Variants in GRIK1 observed in about 807,000 individuals in gnomAD.
The protein encoded by GRIK1 is glutamate ionotropic receptor kainate type subunit 1.
Under a neutral mutation model 105.7 loss-of-function variants are expected in GRIK1, and 69 were observed. The ratio of observed to expected loss-of-function variants is 0.65; its 90% CI spans 0.54 to 0.80. The LOEUF is 0.80. GRIK1 is among the 30% of genes least tolerant of loss of function. The pLI is 0.00. For missense variants in GRIK1, 1,109 were observed against 1,167.3 expected, an observed-to-expected ratio of 0.95 and a Z score of 0.73; for synonymous variants, 438 against 431.3, an observed-to-expected ratio of 1.02 and a Z score of -0.19.
intron 1 of GRIK1, among the ~76,000 whole-genome samples, chr21:29,907,858 C>T (rs1288080367): frequency 1.3e-5 from 2 of 152,078 alleles, no homozygotes; most frequent in African/African-American, 4.8e-5. Context: ...GAAACTATGT[C>T]AGTCCATTCT....
chr21:29,594,224 T>A (rs1418874447), intron 9 of GRIK1, among the ~76,000 whole-genome samples: 1 of 152,180 alleles, frequency 6.6e-6, no homozygotes, highest in East Asian at 1.9e-4. Flanking sequence ...CGCATGTGTG[T>A]ACCTGTGTCT....
chr21:29,582,153 G>A (rs370991531), intron 12 of GRIK1, among the ~76,000 whole-genome samples: 1 of 152,168 alleles, frequency 6.6e-6, no homozygotes, highest in Non-Finnish European at 1.5e-5. Context: ...AATAGTCCAC[G>A]GGGAAAAATC....
At chr21:29,790,460 TTTC>T (rs1168889277) in intron 1 of GRIK1, among the ~76,000 whole-genome samples, 4 of 151,412 alleles carry the variant, frequency 2.6e-5, no homozygotes, top group African/African-American at 9.8e-5. Flanking sequence ...TCTTTCTTTC[TTTC>T]TTTTTTTTTT....
chr21:29,911,215 G>C (rs1186131945), intron 1 of GRIK1, among the ~76,000 whole-genome samples: 1 of 152,042 alleles, frequency 6.6e-6, no homozygotes, highest in Admixed American at 6.6e-5. Context: ...TTCAAAAAGA[G>C]AGAAAGTGGC....
chr21:29,740,331 C>T (rs970177952), intron 1 of GRIK1, among the ~76,000 whole-genome samples: 2 of 151,980 alleles, frequency 1.3e-5, no homozygotes, highest in African/African-American at 4.8e-5. Context: ...GATTCTTCTG[C>T]CTCAGCCTCC....
At chr21:29,933,228 T>G (rs1437243726) in intron 1 of GRIK1, among the ~76,000 whole-genome samples, 1 of 152,146 alleles carries the variant, frequency 6.6e-6, no homozygotes, top group Admixed American at 6.5e-5. Context: ...CTTAAACCTT[T>G]AAGAAAATGT....
intron 1 of GRIK1, among the ~76,000 whole-genome samples, chr21:29,694,661 A>G (rs1004639870): frequency 6.6e-6 from 1 of 152,204 alleles, no homozygotes; most frequent in Non-Finnish European, 1.5e-5. Context: ...AACTGATAAT[A>G]TGGCAGAGGA....
chr21:29,903,754 C>T (rs534105239), intron 1 of GRIK1, among the ~76,000 whole-genome samples: 10 of 152,270 alleles, frequency 6.6e-5, no homozygotes, highest in African/African-American at 2.4e-4. Flanking sequence ...TACCATTTGA[C>T]CCAGCAATCC....
chr21:29,844,320 A>G (rs559560906), intron 1 of GRIK1, among the ~76,000 whole-genome samples: 1 of 152,184 alleles, frequency 6.6e-6, no homozygotes, highest in Non-Finnish European at 1.5e-5. Context: ...GTCAGCTAAC[A>G]CCTAGCAGCA....
intron 7 of GRIK1, among the ~76,000 whole-genome samples, chr21:29,621,249 T>C (rs1026220655): frequency 6.6e-6 from 1 of 152,186 alleles, no homozygotes; most frequent in African/African-American, 2.4e-5. Context: ...TCTTTGCTCA[T>C]ACACCTGTTG....
chr21:29,915,383 T>C (rs575578480), intron 1 of GRIK1, among the ~76,000 whole-genome samples: 2 of 152,170 alleles, frequency 1.3e-5, no homozygotes, highest in Admixed American at 6.6e-5. Context: ...AATTTAAATT[T>C]GATACAACTA....
intron 1 of GRIK1, among the ~76,000 whole-genome samples, chr21:29,811,947 G>A (rs767635764): frequency 6.6e-6 from 1 of 151,934 alleles, no homozygotes; most frequent in African/African-American, 2.4e-5. Context: ...ACTATATCAG[G>A]TCTCTGCTGA....
chr21:29,560,364 T>TTCCTTCCTTCCTTCCTTC (rs2090394173), intron 15 of GRIK1, among the ~76,000 whole-genome samples: 1 of 35,886 alleles, frequency 2.8e-5, no homozygotes, highest in East Asian at 9.1e-4. Flanking sequence ...TCTTTTTCTT[T>TTCCTTCCTTCCTTCCTTC]CTTCCTTCCT....
chr21:29,750,641 G>A (rs1050450498), intron 1 of GRIK1, among the ~76,000 whole-genome samples: 1 of 152,108 alleles, frequency 6.6e-6, no homozygotes, highest in African/African-American at 2.4e-5. Context: ...ATTTTCTGAT[G>A]AGGGTCAATA....
chr21:29,907,092 A>C (rs2070669172), intron 1 of GRIK1, among the ~76,000 whole-genome samples: 1 of 151,152 alleles, frequency 6.6e-6, no homozygotes, highest in Admixed American at 6.6e-5. Context: ...CCTTCAATTC[A>C]CTTCCTCTAA....
intron 1 of GRIK1, among the ~76,000 whole-genome samples, chr21:29,731,855 A>G (rs1009713104): frequency 1.3e-5 from 2 of 152,222 alleles, no homozygotes; most frequent in Admixed American, 6.5e-5. Flanking sequence ...CTTGTAAAGC[A>G]TCAGTGATTT....
intron 1 of GRIK1, among the ~76,000 whole-genome samples, chr21:29,705,108 C>T (rs2063879165): frequency 6.6e-6 from 1 of 152,166 alleles, no homozygotes; most frequent in Admixed American, 6.5e-5. Flanking sequence ...TGTTGCATCC[C>T]AATTTTCTAG....
intron 1 of GRIK1, among the ~76,000 whole-genome samples, chr21:29,747,590 G>A (rs1231166874): frequency 1.3e-5 from 2 of 152,190 alleles, no homozygotes; most frequent in African/African-American, 4.8e-5. Flanking sequence ...CAGCACTTTG[G>A]TAGGCTGAGG....
At chr21:29,814,230 C>T (rs1218647610) in intron 1 of GRIK1, among the ~76,000 whole-genome samples, 3 of 151,546 alleles carry the variant, frequency 2.0e-5, no homozygotes, top group East Asian at 1.9e-4. Context: ...GGATTACAGC[C>T]GTGAGTCACC....
Sources: gnomAD v4.1 joint callset for allele counts (sites outside exome capture counted in the v4.1 genomes callset) on GRCh38, gnomAD v4.1.1 for gene constraint, MANE v1.5 for transcripts, NCBI Gene and HGNC (gene_info 2026-07-23, HGNC 2026-07-21) for gene names.